The following ETF1 variants were observed in gnomAD, a reference collection of about 807,000 sequenced individuals.
ETF1 encodes eukaryotic peptide chain release factor subunit 1.
In ETF1, 4 loss-of-function variants were observed where a neutral mutation model predicts 55.1. That is an observed-to-expected ratio of 0.07 (90% CI 0.04 to 0.17). ETF1 has a LOEUF of 0.17. Among genes scored for constraint, ETF1 ranks in the 10% least tolerant of loss-of-function variants. ETF1 has a pLI of 1.00. For missense variants in ETF1, 142 were observed against 523.6 expected (o/e 0.27, Z 7.11); for synonymous variants, 157 against 182.3 (o/e 0.86, Z 1.12).
intron 8 of ETF1, 107 bp from the exon 9 acceptor site, chr5:138,510,736 C>G: frequency 6.9e-7 from 1 of 1,447,260 alleles, no homozygotes; most frequent in Non-Finnish European, 9.3e-7. Context: ...GACTCAATCT[C>G]TCAACATTTT....
At chr5:138,526,324 T>C (rs1252579718) in intron 2 of ETF1, among the ~76,000 whole-genome samples, 3 of 152,170 alleles carry the variant, frequency 2.0e-5, no homozygotes, top group Non-Finnish European at 2.9e-5. Context: ...CCCCCTATAT[T>C]AGCTTTTAAC....
rs548549952 is a variant in ETF1 at position 138,519,172 on chromosome 5, G to A, written c.87-305C>T. ...AAAGAAGCTATCTATGATAAATAAG[G>A]AGTGTCAACAGGCTGGAATTTGGTA... On this transcript the variant is annotated intron_variant, in intron 2 of 10. Transcript: ENST00000360541. 13 of 984,942 alleles carry A rather than the reference G, an allele frequency of 1.3e-5. No individual in the cohort carries two copies. The East Asian group carries it at 1.2e-3, about 95-fold the overall frequency. 61.0% of individuals were successfully genotyped at this position (984,942 alleles called of 1,614,324 possible).
At chr5:138,535,704 G>A (rs1222574914) in intron 2 of ETF1, among the ~76,000 whole-genome samples, 12 of 144,218 alleles carry the variant, frequency 8.3e-5, no homozygotes, top group African/African-American at 2.8e-4. Flanking sequence ...CTGGGCAAGA[G>A]AGCAAGACCG....
At chr5:138,542,393 G>A (rs1387255707) in intron 2 of ETF1, among the ~76,000 whole-genome samples, 5 of 152,178 alleles carry the variant, frequency 3.3e-5, no homozygotes, top group East Asian at 3.8e-4. Flanking sequence ...CAGAAGCCCA[G>A]AAGGGAGAGG....
chr5:138,536,509 A>G (rs1379289394), intron 2 of ETF1, among the ~76,000 whole-genome samples: 1 of 152,178 alleles, frequency 6.6e-6, no homozygotes, highest in Non-Finnish European at 1.5e-5. Context: ...CCTGCCGGGG[A>G]AAAAAAGCCT....
rs183009496 is a variant in ETF1 at position 138,524,790 on chromosome 5, A to C, written c.87-5923T>G. 4.8e-4 allele frequency among the ~76,000 whole-genome samples: 73 copies of C among 151,770 alleles called. No individual in the cohort carries two copies. The Middle Eastern group carries it at 0.017, about 35-fold the overall frequency. ...ATGGGGTTTCACCATGTTGGCCAGG[A>C]TGGTCTTGATCTCCTGACTTCATGA... On this transcript the variant is annotated intron_variant, in intron 2 of 10. Transcript: ENST00000360541.
intron 4 of ETF1, among the ~76,000 whole-genome samples, chr5:138,516,948 A>G (rs1187477721): frequency 6.6e-6 from 1 of 152,212 alleles, no homozygotes; most frequent in African/African-American, 2.4e-5. Context: ...GCATATAGGT[A>G]TACAATGGAA....
At chr5:138,515,405 AC>A (rs1764977746) in intron 4 of ETF1, among the ~76,000 whole-genome samples, 1 of 152,226 alleles carries the variant, frequency 6.6e-6, no homozygotes, top group South Asian at 2.1e-4. Context: ...AGCCTGGGCA[AC>A]AGAGCAAAAC....
chr5:138,513,532 C>T (rs1427618598), intron 5 of ETF1, 36 bp downstream of exon 5: 6 of 1,534,234 alleles, frequency 3.9e-6, no homozygotes, highest in Non-Finnish European at 5.4e-6. Flanking sequence ...TTGCTAGACA[C>T]AAAGTAAGTG....
chr5:138,542,903 T>C lies in ETF1; in HGVS notation c.16A>G (p.Ser6Gly). The change falls in exon 2 of 11, where the codon AGT (serine) becomes GGT (glycine). Residue 6 changes from serine (S) to glycine (G), a missense_variant. Coordinates refer to ENST00000360541, the MANE Select transcript of ETF1 (RefSeq NM_004730.4). MADDP[S>G]AADRNVEIWK... The stretch of plus-strand genomic sequence containing the variant: ...ATCTCCACGTTCCTGTCGGCAGCAC[T>C]GGGGTCGTCCGCCATCTTCTCGCCT... The C allele has an allele frequency of 1.2e-6, 2 of 1,613,682 alleles. No homozygotes were observed. The highest frequency in any genetic ancestry group is 1.7e-6 in the Non-Finnish European group (2 of 1,179,908).
intron 5 of ETF1, chr5:138,513,273 C>T: frequency 1.1e-6 from 1 of 927,468 alleles, no homozygotes; most frequent in Non-Finnish European, 1.3e-6. Context: ...ACTCTGTCGC[C>T]CAGACTGGAG....
At chr5:138,539,628 TCAAGTTTATGTGTGA>T (rs373422258) in intron 2 of ETF1, among the ~76,000 whole-genome samples, 105 of 152,288 alleles carry the variant, frequency 6.9e-4, no homozygotes, top group African/African-American at 2.5e-3. Context: ...AAATCAAAAA[TCAAGTTTATGTGTGA>T]CACTCCTTTC....
intron 2 of ETF1, among the ~76,000 whole-genome samples, chr5:138,541,880 T>TA (rs60254128): frequency 0.023 from 3,367 of 149,558 alleles, 51 homozygotes; most frequent in Non-Finnish European, 0.036. Context: ...CGAACAACGT[T>TA]AAAAAAAAAA....
intron 6 of ETF1, chr5:138,511,870 G>A (rs1215451742): frequency 1.0e-6 from 1 of 985,086 alleles, no homozygotes; most frequent in Non-Finnish European, 1.2e-6. Context: ...TGGAGGAAAG[G>A]GGGGACCACT....
intron 2 of ETF1, among the ~76,000 whole-genome samples, chr5:138,522,114 GT>G (rs35787209): frequency 0.44 from 66,078 of 151,180 alleles, 16,077 homozygotes; most frequent in Non-Finnish European, 0.53. Context: ...TGTTTTTTTG[GT>G]TTTTTTTACT....
chr5:138,531,244 A>G (rs1382250960), intron 2 of ETF1, among the ~76,000 whole-genome samples: 1 of 152,200 alleles, frequency 6.6e-6, no homozygotes. Context: ...AGGTGCTTAT[A>G]AGTAGTGGGC....
rs928093242 is a variant in ETF1 at position 138,508,240 on chromosome 5, T to C, written c.*65A>G. 6.4e-6 allele frequency: 10 copies of C among 1,555,114 alleles called. No individual in the cohort carries two copies. The African/African-American group carries it at 6.8e-5, about 11-fold the overall frequency. On this transcript the variant is annotated 3_prime_UTR_variant, in exon 11 of 11. Coordinates refer to ENST00000360541, the MANE Select transcript of ETF1 (RefSeq NM_004730.4). ...GCAGGGATCTGTTTGGATTCCACCA[T>C]GGGTATGCTCCTTGGGTTGGATGCT...
At chr5:138,535,890 A>AAAAG (rs1765908661) in intron 2 of ETF1, among the ~76,000 whole-genome samples, 1 of 150,088 alleles carries the variant, frequency 6.7e-6, no homozygotes, top group Non-Finnish European at 1.5e-5. Flanking sequence ...AAAAAAAAAA[A>AAAAG]AAAAAAAAAA....
chr5:138,513,741 C>G, intron 4 of ETF1, 35 bp from the exon 5 acceptor site: 1 of 1,575,482 alleles, frequency 6.3e-7, no homozygotes, highest in Non-Finnish European at 8.7e-7. Context: ...ACGGTGAATC[C>G]CAAAGCTTTG....
Sources: allele counts gnomAD v4.1 joint callset (sites outside exome capture counted in the v4.1 genomes callset), GRCh38; gene constraint gnomAD v4.1.1; transcripts MANE v1.5; gene names NCBI Gene and HGNC (gene_info 2026-07-23, HGNC 2026-07-21).